PRR16: variants seen among roughly 807,000 people sequenced by gnomAD.
The protein encoded by PRR16 is protein Largen.
PRR16 carries 6 observed loss-of-function variants against 18.2 expected under a neutral mutation model. That is an observed-to-expected ratio of 0.33 (90% CI 0.18 to 0.65). The LOEUF (loss-of-function observed/expected upper bound fraction) is 0.65. Among genes scored for constraint, PRR16 ranks in the 30% least tolerant of loss-of-function variants. The probability of loss-of-function intolerance (pLI) is 0.74; values close to 1 mark genes in which losing one functional copy is unlikely to be tolerated. For synonymous variants in PRR16, 151 were observed against 147.8 expected (o/e 1.02, Z -0.16); for missense variants, 412 against 376.6 (o/e 1.09, Z -0.78).
At position 120,530,297 on chromosome 5, in the gene PRR16, T is replaced by A. The variant is rs1451566539; in HGVS notation, c.159+65652T>A. Reference sequence around the variant, plus strand: ...TATATATATATATTTATTTATTTATTTATTTATTTATTTATATTTTACTAC... The same window carrying A: ...TATATATATATATTTATTTATTTATATATTTATTTATTTATATTTTACTAC... On this transcript the variant is annotated intron_variant, in intron 1 of 1. Coordinates refer to ENST00000407149, the MANE Select transcript of PRR16 (RefSeq NM_001300783.2). 2.9e-3 allele frequency among the ~76,000 whole-genome samples: 360 copies of A among 124,798 alleles called. 1 individual carries two copies. The highest frequency in any genetic ancestry group is 9.3e-3 in the African/African-American group (268 of 28,792). The allele number at this position is 124,798 out of a possible 152,430, so 81.9% of individuals were successfully genotyped here.
At chr5:120,672,699 T>C (rs1016918537) in intron 1 of PRR16, among the ~76,000 whole-genome samples, 4 of 152,138 alleles carry the variant, frequency 2.6e-5, no homozygotes, top group African/African-American at 7.2e-5. Flanking sequence ...GAATATTTTT[T>C]ATTGAGCTAG....
chr5:120,658,299 A>G (rs79838738), intron 1 of PRR16: 3 of 150,170 alleles, frequency 2.0e-5, no homozygotes, highest in African/African-American at 7.4e-5. Context: ...ACTTAGGTTT[A>G]TAGGTTTTCG....
intron 1 of PRR16, among the ~76,000 whole-genome samples, chr5:120,587,861 ATTC>A (rs1188331627): frequency 1.3e-5 from 2 of 152,222 alleles, no homozygotes; most frequent in Non-Finnish European, 2.9e-5. Flanking sequence ...ATACATAGTA[ATTC>A]TTCTGATGGA....
intron 1 of PRR16, among the ~76,000 whole-genome samples, chr5:120,614,314 C>T (rs1470091470): frequency 1.3e-5 from 2 of 152,102 alleles, no homozygotes; most frequent in East Asian, 1.9e-4. Flanking sequence ...CAAATGCTTA[C>T]GGTGGAGTTT....
chr5:120,586,191 T>C (rs1753437567), intron 1 of PRR16, among the ~76,000 whole-genome samples: 1 of 152,008 alleles, frequency 6.6e-6, no homozygotes, highest in South Asian at 2.1e-4. Flanking sequence ...AAAATATGTT[T>C]TTGATTGATG....
At chr5:120,730,817 T>C in the PRR16 span, among the ~76,000 whole-genome samples, 2 of 152,150 alleles carry the variant, frequency 1.3e-5, no homozygotes, top group African/African-American at 4.8e-5. Context: ...AAAATTGTTA[T>C]TTACCCTGAG....
At chr5:120,489,660 T>G (rs887500142) in intron 1 of PRR16, among the ~76,000 whole-genome samples, 6 of 152,170 alleles carry the variant, frequency 3.9e-5, no homozygotes, top group Non-Finnish European at 7.3e-5. Flanking sequence ...ACATTTAAGG[T>G]TAATATTGTT....
At chr5:120,598,853 C>T (rs1413207055) in intron 1 of PRR16, among the ~76,000 whole-genome samples, 1 of 151,716 alleles carries the variant, frequency 6.6e-6, no homozygotes, top group Admixed American at 6.6e-5. Context: ...CTTATTAATG[C>T]TTTTGGCTTT....
chr5:120,590,792 A>G (rs1490699756), intron 1 of PRR16, among the ~76,000 whole-genome samples: 2 of 152,120 alleles, frequency 1.3e-5, no homozygotes, highest in African/African-American at 2.4e-5. Context: ...CTCCTATCTC[A>G]TGATATGCAT....
At chr5:120,696,663 G>A in the PRR16 span, among the ~76,000 whole-genome samples, 1 of 152,154 alleles carries the variant, frequency 6.6e-6, no homozygotes, top group Admixed American at 6.5e-5. Flanking sequence ...CTACAAAGTG[G>A]TGTGTTAGTA....
chr5:120,486,601 G>C (rs1401740208), intron 1 of PRR16, among the ~76,000 whole-genome samples: 1 of 152,130 alleles, frequency 6.6e-6, no homozygotes, highest in Non-Finnish European at 1.5e-5. Flanking sequence ...TAGGTTGCCT[G>C]TTCACTCTGA....
Position 120,572,075 on chromosome 5 carries a change from G to A in PRR16, c.159+107430G>A, listed in dbSNP as rs556085147. Among the ~76,000 whole-genome samples the A allele has an allele frequency of 5.9e-5, 9 of 152,170 alleles. No homozygotes were observed. The South Asian group carries it at 1.5e-3, about 25-fold the overall frequency. ...CGAAAGACCAGAAGTGGTAGCTGTC[G>A]GTGTCTTAAGACCTAGATCTAGAAA... is the stretch of plus-strand genomic sequence containing the variant. On this transcript the variant is annotated intron_variant, in intron 1 of 1. Coordinates refer to ENST00000407149, the MANE Select transcript of PRR16 (RefSeq NM_001300783.2).
At chr5:120,595,708 A>G (rs1412732974) in intron 1 of PRR16, among the ~76,000 whole-genome samples, 1 of 151,932 alleles carries the variant, frequency 6.6e-6, no homozygotes, top group Non-Finnish European at 1.5e-5. Context: ...TCAATGACTC[A>G]ATCACTTTGT....
the PRR16 span, among the ~76,000 whole-genome samples, chr5:120,752,584 A>G: frequency 6.6e-6 from 1 of 152,078 alleles, no homozygotes; most frequent in African/African-American, 2.4e-5. Context: ...AAAATTTCCT[A>G]TGTGAAATGA....
chr5:120,482,213 A>T (rs921255831), intron 1 of PRR16, among the ~76,000 whole-genome samples: 1 of 152,090 alleles, frequency 6.6e-6, no homozygotes, highest in African/African-American at 2.4e-5. Flanking sequence ...TGAGGTTTGG[A>T]GTACAGTTGA....
intron 1 of PRR16, among the ~76,000 whole-genome samples, chr5:120,484,005 A>G (rs1749706170): frequency 6.6e-6 from 1 of 152,076 alleles, no homozygotes; most frequent in African/African-American, 2.4e-5. Context: ...AGAAGGGGTT[A>G]CAAGTCTTCT....
chr5:120,695,954 T>A, the PRR16 span, among the ~76,000 whole-genome samples: 12 of 135,940 alleles, frequency 8.8e-5, no homozygotes, highest in African/African-American at 3.3e-4. Flanking sequence ...TATATATATA[T>A]AAAACCGGCC....
At chr5:120,641,765 C>T (rs748645559) in intron 1 of PRR16, among the ~76,000 whole-genome samples, 1 of 152,072 alleles carries the variant, frequency 6.6e-6, no homozygotes, top group Non-Finnish European at 1.5e-5. Context: ...TGCAGCTTCA[C>T]CCTCCGTCTG....
chr5:120,692,465 C>T, the PRR16 span, among the ~76,000 whole-genome samples: 5 of 152,096 alleles, frequency 3.3e-5, no homozygotes, highest in East Asian at 1.9e-4. Flanking sequence ...ATCTTACTGG[C>T]GCTTTTACAT....
Sources: allele counts gnomAD v4.1 joint callset (sites outside exome capture counted in the v4.1 genomes callset), GRCh38; gene constraint gnomAD v4.1.1; transcripts MANE v1.5; gene names NCBI Gene and HGNC (gene_info 2026-07-23, HGNC 2026-07-21).